The following ZNF487 variants were observed in gnomAD, a reference collection of about 807,000 sequenced individuals.
ZNF487 encodes the protein zinc finger protein 487.
In ZNF487, 4 loss-of-function variants were observed where a neutral mutation model predicts 3.0. The observed-to-expected ratio is 1.35, with a 90% CI of 0.66 to 3.08. The LOEUF (loss-of-function observed/expected upper bound fraction) is 3.08. ZNF487 is among the 30% of genes most tolerant of loss of function. ZNF487 has a pLI of 0.01. For synonymous variants in ZNF487, 55 were observed against 34.6 expected (o/e 1.59, Z -2.06); for missense variants, 146 against 98.7 (o/e 1.48, Z -2.03).
Position 43,481,723 on chromosome 10 carries a change from G to C in ZNF487, c.425G>C (p.Arg142Pro). ...GGGAAATTTCTCCTCTGTATGAAGCGTGAGAATCCTTATGCCAGAGGGAAA... is the reference window on the plus strand; with the variant it reads ...GGGAAATTTCTCCTCTGTATGAAGCCTGAGAATCCTTATGCCAGAGGGAAA... ...VRGKFLLCMK[R>P]ENPYARGKPL... The change falls in exon 4 of 4, where the codon CGT (arginine) becomes CCT (proline). Residue 142 changes from arginine (R) to proline (P), a missense_variant. By Grantham distance (103) the Arg-to-Pro change is moderately radical. Coordinates refer to ENST00000437590, the MANE Select transcript of ZNF487 (RefSeq NM_001355444.3). The C allele has an allele frequency of 4.2e-6, 3 of 716,630 alleles. No individual in the cohort carries two copies. Among genetic ancestry groups the C allele is most frequent in the Non-Finnish European group, 7.8e-6 (3 of 384,916 alleles). The allele number at this position is 716,630 out of a possible 1,614,324, so 44.4% of individuals were successfully genotyped here. A position where few individuals can be genotyped will look rare whatever the true frequency, so the allele number is the denominator to read the frequency against.
chr10:43,437,032 G>C (rs1386695824), upstream of ZNF487: 2 of 342,252 alleles, frequency 5.8e-6, no homozygotes, highest in Non-Finnish European at 1.2e-5. Context: ...GGAGCAGCAA[G>C]GCTTCCGGAA....
intron 1 of ZNF487, among the ~76,000 whole-genome samples, chr10:43,463,547 A>AT (rs1478772975): frequency 6.6e-6 from 1 of 151,652 alleles, no homozygotes; most frequent in Non-Finnish European, 1.5e-5. Context: ...CGAAAAAAAA[A>AT]AAAAATTTTT....
intron 1 of ZNF487, among the ~76,000 whole-genome samples, chr10:43,464,025 C>T (rs1840546463): frequency 1.3e-5 from 2 of 151,966 alleles, no homozygotes; most frequent in African/African-American, 4.8e-5. Context: ...CTCAGTGTTC[C>T]AGTGAGAGGA....
intron 1 of ZNF487, among the ~76,000 whole-genome samples, chr10:43,460,480 A>C (rs1297404110): frequency 6.8e-6 from 1 of 147,480 alleles, no homozygotes; most frequent in Non-Finnish European, 1.5e-5. Flanking sequence ...GGTTCAAGCG[A>C]TTCTCATACC....
intron 1 of ZNF487, among the ~76,000 whole-genome samples, chr10:43,443,805 C>T (rs941234100): frequency 1.8e-4 from 28 of 151,778 alleles, no homozygotes; most frequent in African/African-American, 6.3e-4. Flanking sequence ...AGTACAGACA[C>T]GAACCACTGC....
chr10:43,441,837 T>C (rs1839623306), intron 1 of ZNF487, among the ~76,000 whole-genome samples: 1 of 152,178 alleles, frequency 6.6e-6, no homozygotes, highest in Non-Finnish European at 1.5e-5. Context: ...TCCACCCGCG[T>C]TGGCCTCCCA....
chr10:43,517,163 C>T, the ZNF487 span, among the ~76,000 whole-genome samples: 3 of 152,238 alleles, frequency 2.0e-5, no homozygotes, highest in African/African-American at 4.8e-5. Context: ...GGTCTCCACA[C>T]GTTGTGTGAG....
intron 3 of ZNF487, among the ~76,000 whole-genome samples, chr10:43,479,984 C>CTTTCTTTCTTTCT (rs1564428763): frequency 1.4e-4 from 8 of 57,812 alleles, no homozygotes; most frequent in African/African-American, 2.4e-4. Flanking sequence ...TCTTTCTTTC[C>CTTTCTTTCTTTCT]TTCTTTCTTT....
chr10:43,468,206 TA>T (rs1473622505), intron 1 of ZNF487, among the ~76,000 whole-genome samples: 1 of 152,222 alleles, frequency 6.6e-6, no homozygotes, highest in Non-Finnish European at 1.5e-5. Context: ...TCTTGTGATG[TA>T]ATCTATTCCT....
At chr10:43,437,891 A>G (rs1023882269) in intron 1 of ZNF487, among the ~76,000 whole-genome samples, 10 of 151,872 alleles carry the variant, frequency 6.6e-5, no homozygotes, top group Admixed American at 4.6e-4. Flanking sequence ...GGGTATCACT[A>G]TGTTGCTCAG....
At chr10:43,504,362 C>T in the ZNF487 span, among the ~76,000 whole-genome samples, 3 of 138,104 alleles carry the variant, frequency 2.2e-5, no homozygotes, top group East Asian at 2.2e-4. Context: ...GACGCGATCT[C>T]GGCTCACTGC....
In ZNF487 at chr10:43,462,292, G is replaced by A. The variant is rs564440634; in HGVS notation, c.-93-13429G>A. ...AACTACTATGCCTGAACCCTCTTAC[G>A]TGGCTTTCTAGCCACGTAATCATTG... On this transcript the variant is annotated intron_variant, in intron 1 of 3. Transcript: ENST00000437590. Among the ~76,000 whole-genome samples, 13 of 151,908 alleles carry A rather than the reference G, an allele frequency of 8.6e-5. 1 individual carries two copies. The highest frequency in any genetic ancestry group is 3.4e-3 in the Middle Eastern group (1 of 294).
At chr10:43,451,965 A>G (rs1375157777) in intron 1 of ZNF487, 3 of 152,262 alleles carry the variant, frequency 2.0e-5, no homozygotes, top group Non-Finnish European at 2.9e-5. Flanking sequence ...ACCGCAAAGT[A>G]AACTTTGCTG....
chr10:43,521,124 A>G, the ZNF487 span, among the ~76,000 whole-genome samples: 3 of 152,150 alleles, frequency 2.0e-5, no homozygotes, highest in Non-Finnish European at 2.9e-5. Context: ...ATGTTCTGGA[A>G]AGTTACCACA....
chr10:43,474,214 C>T (rs1380282116), intron 1 of ZNF487, among the ~76,000 whole-genome samples: 7 of 149,596 alleles, frequency 4.7e-5, no homozygotes, highest in Non-Finnish European at 5.9e-5. Flanking sequence ...GTAATCCTAG[C>T]ACTTTGGGAG....
In ZNF487 at chr10:43,446,405, C is replaced by T. The variant is rs375155771; in HGVS notation, c.-94+9143C>T. ...GAGGCTCCTCACTTCTCAGACGGGG[C>T]GGCCGGGCAGAGGCACTCCTCAGTT... is the stretch of plus-strand genomic sequence containing the variant. On this transcript the variant is annotated intron_variant, in intron 1 of 3. Transcript: ENST00000437590. Among the ~76,000 whole-genome samples, 298 of 149,298 alleles carry T rather than the reference C, an allele frequency of 2.0e-3. 1 individual carries two copies. The highest frequency in any genetic ancestry group is 0.011 in the Middle Eastern group (3 of 282).
At chr10:43,458,613 A>G (rs1402606646) in intron 1 of ZNF487, among the ~76,000 whole-genome samples, 3 of 152,142 alleles carry the variant, frequency 2.0e-5, no homozygotes, top group Non-Finnish European at 4.4e-5. Context: ...AAAAACAAAA[A>G]ACAAAAAACA....
chr10:43,463,538 GAAAA>G (rs1214008722), intron 1 of ZNF487, among the ~76,000 whole-genome samples: 1 of 141,824 alleles, frequency 7.1e-6, no homozygotes, highest in East Asian at 2.1e-4. Context: ...ACACTGTCTC[GAAAA>G]AAAAAAAAAA....
intron 1 of ZNF487, among the ~76,000 whole-genome samples, chr10:43,464,765 A>G (rs1353289513): frequency 6.6e-6 from 1 of 152,186 alleles, no homozygotes; most frequent in Non-Finnish European, 1.5e-5. Context: ...TGCCATGTCT[A>G]CTTCTTTCTA....
Sources: allele counts gnomAD v4.1 joint callset (sites outside exome capture counted in the v4.1 genomes callset), GRCh38; gene constraint gnomAD v4.1.1; transcripts MANE v1.5; gene names NCBI Gene and HGNC (gene_info 2026-07-23, HGNC 2026-07-21).